Variants in CDH23 observed in about 807,000 individuals in gnomAD.
CDH23 encodes the protein cadherin related 23.
CDH23 carries 189 observed loss-of-function variants against 317.1 expected under a neutral mutation model. That is an observed-to-expected ratio of 0.60 (90% confidence interval 0.53 to 0.67). The LOEUF (loss-of-function observed/expected upper bound fraction) is 0.67, where lower values mean the gene tolerates loss of function less well. Ranked by LOEUF, CDH23 falls within the 30% of genes least tolerant of loss-of-function variation. The probability of loss-of-function intolerance (pLI) is 0.00; values close to 1 mark genes in which losing one functional copy is unlikely to be tolerated. For synonymous variants in CDH23, 1,839 were observed against 1,876.8 expected (o/e 0.98, Z 0.52); for missense variants, 4,401 against 4,592.4 (o/e 0.96, Z 1.20).
Position 71,508,191 on chromosome 10 carries a change from T to A in CDH23, c.146-1891T>A, listed in dbSNP as rs185554373. The stretch of plus-strand genomic sequence containing the variant: ...GATTTAATGAGAGAATCCACATGAA[T>A]GGACCTTGTGTCTGGCATATCATAA... On this transcript the variant is annotated intron_variant, in intron 3 of 69. Coordinates refer to ENST00000224721, the MANE Select transcript of CDH23 (RefSeq NM_022124.6). The A allele has an allele frequency of 1.4e-4, 22 of 152,356 alleles. No individual in the cohort carries two copies. In the East Asian group the frequency reaches 3.1e-3, roughly 21 times the overall value. 9.4% of individuals were successfully genotyped at this position (152,356 alleles called of 1,614,324 possible). A position where few individuals can be genotyped will look rare whatever the true frequency, so the allele number is the denominator to read the frequency against.
chr10:71,403,849 G>A (rs924611776), intron 1 of CDH23, among the ~76,000 whole-genome samples: 4 of 152,036 alleles, frequency 2.6e-5, no homozygotes. Flanking sequence ...CAGTACTTTG[G>A]GAGGCCGAGG....
At position 71,807,584 on chromosome 10, in the gene CDH23, C is replaced by T. The variant is rs749203752; in HGVS notation, c.8377C>T (p.Arg2793Trp). The T allele has an allele frequency of 5.6e-6, 9 of 1,613,826 alleles. No homozygotes were observed. The highest frequency in any genetic ancestry group is 1.6e-4 in the Middle Eastern group (1 of 6,084). ...GCLLVLRDLDREREAIFSFIV... is the reference protein window; with the variant it reads ...GCLLVLRDLDWEREAIFSFIV... ...TCTGCTGGTGCTGCGGGACCTGGAC[C>T]GGGAGCGAGAAGCCATCTTCTCCTT... The change falls in exon 59 of 70, where the codon CGG becomes TGG. Residue 2793 changes from arginine (R) to tryptophan (W), a missense_variant. Arg to Trp is a moderately radical substitution (Grantham distance 101, BLOSUM62 -3). Transcript: ENST00000224721.
At chr10:71,714,740 C>G (rs1866133978) in intron 28 of CDH23, 1 of 152,258 alleles carries the variant, frequency 6.6e-6, no homozygotes, top group South Asian at 2.1e-4. Context: ...CAAGCCAGAG[C>G]TCACTCCTTG....
intron 18 of CDH23, among the ~76,000 whole-genome samples, chr10:71,683,307 C>T (rs1406099536): frequency 6.6e-6 from 1 of 152,218 alleles, no homozygotes; most frequent in Non-Finnish European, 1.5e-5. Flanking sequence ...AGTGCATTAT[C>T]GGCTCCGGGA....
chr10:71,567,283 C>T (rs1408768140), intron 7 of CDH23, among the ~76,000 whole-genome samples: 4 of 152,248 alleles, frequency 2.6e-5, no homozygotes. Context: ...GCTCGGGTAA[C>T]TTCCTTGAGA....
In CDH23 at chr10:71,435,861, T is replaced by C. The variant is rs140791975; in HGVS notation, c.-5-3966T>C. On this transcript the variant is annotated intron_variant, in intron 1 of 69. Coordinates refer to ENST00000224721, the MANE Select transcript of CDH23 (RefSeq NM_022124.6). Reference sequence around the variant, plus strand: ...TCACCATGGCCTGGGTACTGAGGAATGCCAGCAGGCAAAGCAGCATCCCTC... The same window carrying C: ...TCACCATGGCCTGGGTACTGAGGAACGCCAGCAGGCAAAGCAGCATCCCTC... Among the ~76,000 whole-genome samples, 1,414 of 152,332 alleles carry C rather than the reference T, an allele frequency of 9.3e-3. 28 individuals carry two copies. Among genetic ancestry groups the C allele is most frequent in the Middle Eastern group, 0.027 (8 of 294 alleles).
intron 14 of CDH23, among the ~76,000 whole-genome samples, chr10:71,656,395 C>G (rs2132621176): frequency 6.6e-6 from 1 of 152,318 alleles, no homozygotes; most frequent in South Asian, 2.1e-4. Context: ...CCTCCTTCCC[C>G]TCCCAGAGCA....
chr10:71,671,288 C>T (rs1231622267), intron 14 of CDH23, among the ~76,000 whole-genome samples: 1 of 152,054 alleles, frequency 6.6e-6, no homozygotes, highest in East Asian at 1.9e-4. Context: ...TTTTTAGGTA[C>T]AATATGAAAA....
In CDH23 at chr10:71,570,810, T is replaced by A. The variant is rs763214670; in HGVS notation, c.645T>A (p.Pro215=). ...VNATDQDKTR[P]LSTLANLAII... is the part of the protein sequence containing the mutation. ...CTAAGGATCAAGACAAGACCAGGCC[T>A]CTGTCCACCCTGGCCAACTTGGCCA... The change falls in exon 8 of 70, where the codon CCT becomes CCA. Residue 215 remains proline, a synonymous_variant. Transcript: ENST00000224721. 6.2e-7 allele frequency: 1 copy of A among 1,613,374 alleles called. No homozygotes were observed. The highest frequency in any genetic ancestry group is 1.1e-5 in the South Asian group (1 of 90,926).
chr10:71,719,112 T>C (rs1202330093), intron 28 of CDH23, among the ~76,000 whole-genome samples: 5 of 150,046 alleles, frequency 3.3e-5, no homozygotes, highest in Non-Finnish European at 5.9e-5. Flanking sequence ...ATAAGTGGAG[T>C]TGTAATTAGC....
At chr10:71,658,538 C>T (rs188252569) in intron 14 of CDH23, among the ~76,000 whole-genome samples, 35 of 152,348 alleles carry the variant, frequency 2.3e-4, no homozygotes, top group Non-Finnish European at 2.6e-4. Flanking sequence ...CATCCTTGAC[C>T]GAGCAGCTCT....
At chr10:71,596,077 C>T (rs77978598) in intron 9 of CDH23, among the ~76,000 whole-genome samples, 4,141 of 152,082 alleles carry the variant, frequency 0.027, 111 homozygotes, top group East Asian at 0.076. Flanking sequence ...AAGGGTGGCG[C>T]CTTCTGCCTG....
chr10:71,785,059 A>G lies in CDH23; in HGVS notation c.5671A>G (p.Thr1891Ala). 1 of 1,614,078 alleles carries G rather than the reference A, an allele frequency of 6.2e-7. No individual in the cohort carries two copies. The highest frequency in any genetic ancestry group is 1.3e-5 in the African/African-American group (1 of 75,074). ...CAATGCACGCCTCACCTTCAACATCACTGCGGGCAACCGCGAGCGGGCCTT... is the reference window on the plus strand; with the variant it reads ...CAATGCACGCCTCACCTTCAACATCGCTGCGGGCAACCGCGAGCGGGCCTT... ...GCNARLTFNITAGNRERAFFI... is the reference protein window; with the variant it reads ...GCNARLTFNIAAGNRERAFFI... Residue 1891 changes from threonine to alanine, a missense_variant, in exon 43 of 70, where the codon ACT becomes GCT. By Grantham distance (58) the Thr-to-Ala change is moderately conservative. This residue lies in a region of CDH23 where 3,068 missense variants were observed against 3,203.3 expected (regional missense o/e 0.96). Coordinates refer to ENST00000224721, the MANE Select transcript of CDH23 (RefSeq NM_022124.6).
rs967295127 is a variant in CDH23 at position 71,751,162 on chromosome 10, C to T, written c.4845+9241C>T. ...AGAGCAGGAGGGAGGGAACCAGGGC[C>T]GAGGCCAAGGAGGCCACTCACAGAG... On this transcript the variant is annotated intron_variant, in intron 38 of 69. Transcript: ENST00000224721. The surrounding 1 kb of genome is among the most constrained non-coding windows in gnomAD (Gnocchi z 4.9). 10 of 1,443,810 alleles carry T rather than the reference C, an allele frequency of 6.9e-6. No individual in the cohort carries two copies. Among genetic ancestry groups the T allele is most frequent in the Middle Eastern group, 1.8e-4 (1 of 5,414 alleles). 89.4% of individuals were successfully genotyped at this position (1,443,810 alleles called of 1,614,324 possible).
At position 71,722,814 on chromosome 10, in the gene CDH23, G is replaced by A. The variant is rs529325668; in HGVS notation, c.3370-1231G>A. Among the ~76,000 whole-genome samples, 10 of 152,222 alleles carry A rather than the reference G, an allele frequency of 6.6e-5. No individual in the cohort carries two copies. In the South Asian group the frequency reaches 8.3e-4, roughly 13 times the overall value. On this transcript the variant is annotated intron_variant, in intron 28 of 69. Transcript: ENST00000224721. ...GGCAGAAGCCATGAGGCCAGCACAC[G>A]CTTGGTGTTCAAGAAACAGCCAGGA...
At chr10:71,415,250 C>T (rs182176166) in intron 1 of CDH23, among the ~76,000 whole-genome samples, 2 of 152,162 alleles carry the variant, frequency 1.3e-5, no homozygotes, top group African/African-American at 4.8e-5. Flanking sequence ...AATGCACTAT[C>T]ACACCTGGCT....
intron 24 of CDH23, among the ~76,000 whole-genome samples, chr10:71,703,443 A>G (rs763707837): frequency 5.9e-5 from 9 of 152,194 alleles, no homozygotes; most frequent in Non-Finnish European, 1.3e-4. Flanking sequence ...CTCATCTGTG[A>G]AATGGAGATA....
intron 44 of CDH23, 24 bp from the exon 45 acceptor site, chr10:71,788,916 C>T (rs757217803): frequency 2.4e-5 from 29 of 1,225,618 alleles, no homozygotes; most frequent in African/African-American, 5.9e-5. Context: ...TGGCCTACAA[C>T]GTGCCCCATT....
chr10:71,810,041 A>G lies in CDH23; in HGVS notation c.8944A>G (p.Ile2982Val), dbSNP rs374012269. ...EEEFIHLLSN[I>V]TGAIVNTDNV... ...GGAGTTCATCCACCTGCTCTCCAAC[A>G]TCACTGGGGCCATTGTCAATACTGA... The change falls in exon 61 of 70, where the codon ATC (isoleucine) becomes GTC (valine). Residue 2982 changes from isoleucine to valine, a missense_variant. Around this residue, in one of 3 missense-constraint regions of CDH23, gnomAD observed 1,144 missense variants for 1,138.2 expected, o/e 1.01. Transcript: ENST00000224721. The G allele has an allele frequency of 1.2e-6, 2 of 1,612,522 alleles. No individual in the cohort carries two copies. The highest frequency in any genetic ancestry group is 1.7e-6 in the Non-Finnish European group (2 of 1,179,852).
Sources: gnomAD v4.1 joint callset for allele counts (sites outside exome capture counted in the v4.1 genomes callset) on GRCh38, gnomAD v4.1.1 for gene constraint, gnomAD v4.1.1 regional missense constraint, Gnocchi (gnomAD v3.1) non-coding constraint, MANE v1.5 for transcripts, NCBI Gene and HGNC (gene_info 2026-07-23, HGNC 2026-07-21) for gene names.